ASZ1: variants seen among roughly 807,000 people sequenced by gnomAD.
ASZ1 encodes the protein ankyrin repeat, SAM and basic leucine zipper domain containing 1.
A neutral mutation model predicts 61.8 loss-of-function variants in ASZ1; 67 were observed. The observed-to-expected ratio is 1.08, with a 90% CI of 0.89 to 1.33. The LOEUF (loss-of-function observed/expected upper bound fraction) is 1.33. Among genes scored for constraint, ASZ1 ranks in the 40% most tolerant of loss-of-function variants. ASZ1 has a pLI of 0.00. For synonymous variants in ASZ1, 193 were observed against 192.7 expected, an observed-to-expected ratio of 1.00 and a Z score of -0.01; for missense variants, 577 against 554.5, an observed-to-expected ratio of 1.04 and a Z score of -0.41.
intron 2 of ASZ1, among the ~76,000 whole-genome samples, chr7:117,424,263 T>C (rs1466303934): frequency 6.6e-6 from 1 of 152,192 alleles, no homozygotes; most frequent in Non-Finnish European, 1.5e-5. Context: ...TGACTCAAAA[T>C]GTGCTTTTAT....
At chr7:117,402,644 T>G (rs1796701385) in intron 4 of ASZ1, among the ~76,000 whole-genome samples, 1 of 152,162 alleles carries the variant, frequency 6.6e-6, no homozygotes, top group Admixed American at 6.5e-5. Flanking sequence ...GCCCCCATCT[T>G]GACTAAGTGG....
At chr7:117,389,200 T>C (rs932627359) in intron 4 of ASZ1, among the ~76,000 whole-genome samples, 1 of 151,500 alleles carries the variant, frequency 6.6e-6, no homozygotes, top group Non-Finnish European at 1.5e-5. Context: ...ATTCAGGAGG[T>C]ACACGTTAAG....
rs184957285 is a variant in ASZ1 at position 117,406,571 on chromosome 7, T to C, written c.440+13592A>G. Reference sequence around the variant, plus strand: ...AAGTTCAAGACCAGCCTGACCAACATGGTGAAACCCTGTCTCTATTAAAAA... The same window carrying C: ...AAGTTCAAGACCAGCCTGACCAACACGGTGAAACCCTGTCTCTATTAAAAA... On this transcript the variant is annotated intron_variant, in intron 4 of 12. Transcript: ENST00000284629. 6.0e-3 allele frequency among the ~76,000 whole-genome samples: 919 copies of C among 152,162 alleles called. 16 individuals are homozygous for C. The highest frequency in any genetic ancestry group is 0.019 in the African/African-American group (806 of 41,532).
intron 4 of ASZ1, among the ~76,000 whole-genome samples, chr7:117,390,416 A>G (rs1327189281): frequency 6.6e-6 from 1 of 152,056 alleles, no homozygotes; most frequent in Non-Finnish European, 1.5e-5. Context: ...CGAGCCTCCC[A>G]GCTAGGCCTC....
chr7:117,415,848 A>C (rs1003310785), intron 4 of ASZ1, among the ~76,000 whole-genome samples: 4 of 152,256 alleles, frequency 2.6e-5, no homozygotes, highest in Non-Finnish European at 4.4e-5. Flanking sequence ...AATGGAAACA[A>C]CCACAGCATA....
At chr7:117,418,322 A>T (rs1251406104) in intron 4 of ASZ1, among the ~76,000 whole-genome samples, 1 of 152,230 alleles carries the variant, frequency 6.6e-6, no homozygotes, top group African/African-American at 2.4e-5. Flanking sequence ...GTTACATTTT[A>T]CTAAGGATTA....
At chr7:117,415,154 T>G (rs1046746152) in intron 4 of ASZ1, among the ~76,000 whole-genome samples, 2 of 152,222 alleles carry the variant, frequency 1.3e-5, no homozygotes, top group African/African-American at 4.8e-5. Context: ...CAGCATCTGT[T>G]GCTTCCTGAC....
intron 2 of ASZ1, 75 bp downstream of exon 2, chr7:117,426,760 TA>T (rs1797224665): frequency 2.3e-6 from 3 of 1,294,222 alleles, no homozygotes; most frequent in Non-Finnish European, 3.2e-6. Context: ...AAAAGCAACA[TA>T]AACCTTTTAA....
chr7:117,374,005 G>T lies in ASZ1; in HGVS notation c.1056-5288C>A, dbSNP rs76834782. ...CTTCACAATGCATTTAAATATTTAA[G>T]AGCTATTATGTTATTCTGAAACAAT... On this transcript the variant is annotated intron_variant, in intron 10 of 12. Coordinates refer to ENST00000284629, the MANE Select transcript of ASZ1 (RefSeq NM_130768.3). 7.4e-3 allele frequency among the ~76,000 whole-genome samples: 1,119 copies of T among 152,116 alleles called. 16 individuals are homozygous for T. The highest frequency in any genetic ancestry group is 0.026 in the African/African-American group (1,062 of 41,526).
Position 117,381,046 on chromosome 7 carries a change from G to T in ASZ1, c.910C>A (p.His304Asn), listed in dbSNP as rs1310828207. 1 of 1,596,712 alleles carries T rather than the reference G, an allele frequency of 6.3e-7. No individual in the cohort carries two copies. The highest frequency in any genetic ancestry group is 8.5e-7 in the Non-Finnish European group (1 of 1,171,124). The change falls in exon 9 of 13, where the codon CAT becomes AAT. Residue 304 changes from histidine to asparagine, a missense_variant. His to Asn is a moderately conservative substitution (Grantham distance 68). Coordinates refer to ENST00000284629, the MANE Select transcript of ASZ1 (RefSeq NM_130768.3). ...LLKERDITLR[H>N]LLTMREDEFT... ...TCATCTTCCCTCATGGTCAAAAGATGTCTTAACGTTATATCCCTTTCCTGT... is the reference window on the plus strand; with the variant it reads ...TCATCTTCCCTCATGGTCAAAAGATTTCTTAACGTTATATCCCTTTCCTGT...
chr7:117,366,454 A>G (rs978377924), intron 12 of ASZ1, among the ~76,000 whole-genome samples: 3 of 152,106 alleles, frequency 2.0e-5, no homozygotes, highest in Non-Finnish European at 4.4e-5. Flanking sequence ...TTCAAATCAG[A>G]TATTTCACAA....
intron 4 of ASZ1, among the ~76,000 whole-genome samples, chr7:117,398,257 C>T (rs1272834147): frequency 3.3e-5 from 5 of 152,176 alleles, no homozygotes; most frequent in African/African-American, 4.8e-5. Context: ...CGCCAAGAAC[C>T]TGGATGTCTC....
intron 4 of ASZ1, among the ~76,000 whole-genome samples, chr7:117,407,484 C>T (rs559114733): frequency 4.4e-4 from 67 of 151,912 alleles, no homozygotes; most frequent in Non-Finnish European, 9.0e-4. Flanking sequence ...CCAGTGGATG[C>T]CTGAGGCCAC....
chr7:117,377,417 A>C (rs1446409263), intron 10 of ASZ1, among the ~76,000 whole-genome samples: 1 of 152,012 alleles, frequency 6.6e-6, no homozygotes, highest in Non-Finnish European at 1.5e-5. Flanking sequence ...GGTCTCACCT[A>C]CTCAGGAGGC....
At position 117,415,478 on chromosome 7, in the gene ASZ1, T is replaced by C. The variant is rs571568273; in HGVS notation, c.440+4685A>G. Among the ~76,000 whole-genome samples the C allele has an allele frequency of 9.5e-4, 144 of 152,326 alleles. 1 individual carries two copies. Among genetic ancestry groups the C allele is most frequent in the African/African-American group, 3.4e-3 (143 of 41,576 alleles). ...AAGATGAGTACAGTACAATAAGATA[T>C]TTTGAGAGAAACCATATTCACATAA... On this transcript the variant is annotated intron_variant, in intron 4 of 12. Transcript: ENST00000284629.
At chr7:117,391,445 A>G (rs1349816936) in intron 4 of ASZ1, among the ~76,000 whole-genome samples, 1 of 152,162 alleles carries the variant, frequency 6.6e-6, no homozygotes, top group East Asian at 1.9e-4. Context: ...GAAATCTTGC[A>G]TTTAAGTCTT....
rs570529260 is a variant in ASZ1, at chr7:117,388,212, G to A, written c.441-2403C>T. 8.5e-5 allele frequency among the ~76,000 whole-genome samples: 13 copies of A among 152,152 alleles called. No individual in the cohort carries two copies. The East Asian group carries it at 2.5e-3, about 29-fold the overall frequency. On this transcript the variant is annotated intron_variant, in intron 4 of 12. Coordinates refer to ENST00000284629, the MANE Select transcript of ASZ1 (RefSeq NM_130768.3). ...AAACAGCAGGCCAGATGGCTCCACT[G>A]GTGAATTCTACAAAACAGTTAATGA...
chr7:117,393,828 G>T (rs1436251310), intron 4 of ASZ1, among the ~76,000 whole-genome samples: 1 of 152,046 alleles, frequency 6.6e-6, no homozygotes, highest in Non-Finnish European at 1.5e-5. Context: ...CACCTTGTTA[G>T]ATTGATCAAG....
chr7:117,412,136 A>G (rs188367754), intron 4 of ASZ1, among the ~76,000 whole-genome samples: 138 of 151,332 alleles, frequency 9.1e-4, no homozygotes, highest in Non-Finnish European at 1.1e-3. Context: ...GATTAGGGAC[A>G]TTTACCAAAC....
Sources: gnomAD v4.1 joint callset for allele counts (sites outside exome capture counted in the v4.1 genomes callset) on GRCh38, gnomAD v4.1.1 for gene constraint, MANE v1.5 for transcripts, NCBI Gene and HGNC (gene_info 2026-07-23, HGNC 2026-07-21) for gene names.